Variants in NAV2 observed in about 807,000 individuals in gnomAD.
NAV2 encodes the protein neuron navigator 2.
Under a neutral mutation model 223.2 loss-of-function variants are expected in NAV2, and 54 were observed. That is an observed-to-expected ratio of 0.24 (90% CI 0.19 to 0.30). The LOEUF is 0.30. NAV2 is among the 10% of genes least tolerant of loss of function. The pLI is 1.00. For missense variants in NAV2, 2,806 were observed against 3,147.5 expected, an observed-to-expected ratio of 0.89 and a Z score of 2.60; for synonymous variants, 1,279 against 1,239.3, an observed-to-expected ratio of 1.03 and a Z score of -0.67.
Position 20,054,240 on chromosome 11 carries a change from G to C in NAV2, c.4642G>C (p.Ala1548Pro), listed in dbSNP as rs202027920. The change falls in exon 18 of 38, where the codon GCG becomes CCG. Residue 1548 changes from alanine (A) to proline (P), a missense_variant and splice_region_variant. Transcript: ENST00000349880. ...AACAAGATTCAACTTTTCCCAGCTTGGTGAGTAGCCACTTGTCATTACCTA... is the reference window on the plus strand; with the variant it reads ...AACAAGATTCAACTTTTCCCAGCTTCGTGAGTAGCCACTTGTCATTACCTA... ...SGTRFNFSQL[A>P]SPTTVTQMSL... 1 of 1,608,208 alleles carries C rather than the reference G, an allele frequency of 6.2e-7. No individual in the cohort carries two copies. Among genetic ancestry groups the C allele is most frequent in the African/African-American group, 1.3e-5 (1 of 74,720 alleles).
chr11:19,942,483 G>A (rs2046482173), intron 8 of NAV2, among the ~76,000 whole-genome samples: 1 of 152,216 alleles, frequency 6.6e-6, no homozygotes, highest in Non-Finnish European at 1.5e-5. Flanking sequence ...GAGATCCAGA[G>A]AGGATAAGTG....
At chr11:19,514,507 G>T (rs55696812) in intron 1 of NAV2, among the ~76,000 whole-genome samples, 46,214 of 151,966 alleles carry the variant, frequency 0.3, 8,145 homozygotes, top group Admixed American at 0.4. Flanking sequence ...CTGCGGAAAT[G>T]ACCAGAGTAC....
chr11:19,368,964 C>T (rs914914128), intron 1 of NAV2, among the ~76,000 whole-genome samples: 1 of 152,198 alleles, frequency 6.6e-6, no homozygotes, highest in African/African-American at 2.4e-5. Flanking sequence ...CACACCATAA[C>T]TCTTTCTTTC....
intron 1 of NAV2, among the ~76,000 whole-genome samples, chr11:19,575,619 C>G (rs190551546): frequency 1.3e-5 from 2 of 152,344 alleles, no homozygotes; most frequent in South Asian, 2.1e-4. Context: ...TCAGACACCC[C>G]TGGGGAAATT....
chr11:19,644,130 G>A (rs1391850401), intron 1 of NAV2, among the ~76,000 whole-genome samples: 1 of 152,206 alleles, frequency 6.6e-6, no homozygotes, highest in Non-Finnish European at 1.5e-5. Flanking sequence ...GCCCTGGAGG[G>A]GGATGGGGTA....
Position 19,799,436 on chromosome 11 carries a change from C to T in NAV2, c.268-33048C>T, listed in dbSNP as rs572809150. Among the ~76,000 whole-genome samples, 4 of 152,256 alleles carry T rather than the reference C, an allele frequency of 2.6e-5. No individual in the cohort carries two copies. The South Asian group carries it at 8.3e-4, about 32-fold the overall frequency. ...AACCCTAAGTGAGTAGACAGAACTACCCAGTGGATCTTAGTGTGGGCAGAT... is the reference window on the plus strand; with the variant it reads ...AACCCTAAGTGAGTAGACAGAACTATCCAGTGGATCTTAGTGTGGGCAGAT... On this transcript the variant is annotated intron_variant, in intron 1 of 37. Transcript: ENST00000349880.
At chr11:19,429,222 A>T (rs1043306566) in intron 1 of NAV2, among the ~76,000 whole-genome samples, 2 of 152,192 alleles carry the variant, frequency 1.3e-5, no homozygotes, top group African/African-American at 4.8e-5. Flanking sequence ...TAGTTCCTGG[A>T]GCAGGGCTGG....
At chr11:19,938,542 T>G (rs894382282) in intron 7 of NAV2, among the ~76,000 whole-genome samples, 1 of 152,260 alleles carries the variant, frequency 6.6e-6, no homozygotes, top group African/African-American at 2.4e-5. Flanking sequence ...ATCCCGATTT[T>G]TAAATGTTGA....
intron 1 of NAV2, among the ~76,000 whole-genome samples, chr11:19,661,990 T>G (rs2048295838): frequency 6.6e-6 from 1 of 152,218 alleles, no homozygotes; most frequent in South Asian, 2.1e-4. Flanking sequence ...TGCTACTGGC[T>G]GCCTGGAATG....
At chr11:19,443,375 A>ACTCC (rs1851471637) in intron 1 of NAV2, among the ~76,000 whole-genome samples, 1 of 152,206 alleles carries the variant, frequency 6.6e-6, no homozygotes, top group Non-Finnish European at 1.5e-5. Context: ...GAGTTGGACC[A>ACTCC]ATGAGAAGGA....
intron 10 of NAV2, among the ~76,000 whole-genome samples, chr11:19,971,707 A>G (rs1299850140): frequency 6.6e-6 from 1 of 152,138 alleles, no homozygotes; most frequent in East Asian, 1.9e-4. Flanking sequence ...AATGTTTTTC[A>G]AACTTTTTTC....
At chr11:19,399,520 G>T (rs2729906) in intron 1 of NAV2, among the ~76,000 whole-genome samples, 1 of 152,102 alleles carries the variant, frequency 6.6e-6, no homozygotes, top group Non-Finnish European at 1.5e-5. Context: ...AGAAACTGGA[G>T]AAGGATCCTG....
At chr11:19,368,645 T>C (rs914884598) in intron 1 of NAV2, among the ~76,000 whole-genome samples, 1 of 152,222 alleles carries the variant, frequency 6.6e-6, no homozygotes, top group Non-Finnish European at 1.5e-5. Flanking sequence ...GGGTACTTAT[T>C]ATATATCAGG....
intron 1 of NAV2, among the ~76,000 whole-genome samples, chr11:19,794,324 G>A (rs1036862939): frequency 7.9e-5 from 12 of 152,196 alleles, no homozygotes; most frequent in African/African-American, 2.2e-4. Context: ...GCCATATATC[G>A]TTGTCACATT....
At chr11:19,830,277 A>G (rs1293799886) in intron 1 of NAV2, among the ~76,000 whole-genome samples, 1 of 152,198 alleles carries the variant, frequency 6.6e-6, no homozygotes, top group African/African-American at 2.4e-5. Context: ...TGAGAACATA[A>G]TAGAGGCATG....
At chr11:20,065,613 G>A (rs949853262) in intron 20 of NAV2, among the ~76,000 whole-genome samples, 10 of 152,162 alleles carry the variant, frequency 6.6e-5, no homozygotes, top group South Asian at 2.1e-4. Context: ...GCAGAACAGC[G>A]GCAAGGGGGG....
chr11:19,631,776 G>A (rs891178715), intron 1 of NAV2, among the ~76,000 whole-genome samples: 10 of 152,232 alleles, frequency 6.6e-5, no homozygotes, highest in African/African-American at 1.9e-4. Context: ...GCCTCCATGG[G>A]CATCATGCCT....
At chr11:19,735,545 G>T (rs1223108771) in intron 1 of NAV2, among the ~76,000 whole-genome samples, 2 of 152,148 alleles carry the variant, frequency 1.3e-5, no homozygotes, top group Non-Finnish European at 2.9e-5. Context: ...GTTTTACATG[G>T]GATGAAATGC....
chr11:19,949,101 T>C, intron 10 of NAV2, 21 bp downstream of exon 10: 1 of 1,559,972 alleles, frequency 6.4e-7, no homozygotes, highest in Non-Finnish European at 8.7e-7. Flanking sequence ...GGGGCCGCCC[T>C]TTCTCCCAGA....
Sources: gnomAD v4.1 joint callset for allele counts (sites outside exome capture counted in the v4.1 genomes callset) on GRCh38, gnomAD v4.1.1 for gene constraint, MANE v1.5 for transcripts, NCBI Gene and HGNC (gene_info 2026-07-23, HGNC 2026-07-21) for gene names.